Variants in FAM220A observed in about 807,000 individuals in gnomAD.
The protein encoded by FAM220A is protein FAM220A.
For missense variants in FAM220A, 392 were observed against 321.6 expected (o/e 1.22, Z -1.68); for synonymous variants, 141 against 130.7 (o/e 1.08, Z -0.54).
intron 1 of FAM220A, among the ~76,000 whole-genome samples, chr7:6,338,961 C>T (rs1781798593): frequency 6.6e-6 from 1 of 152,156 alleles, no homozygotes. Flanking sequence ...GCTCCACACC[C>T]CTCAGGTGTG....
intron 1 of FAM220A, among the ~76,000 whole-genome samples, chr7:6,333,904 T>C (rs559001949): frequency 3.9e-4 from 57 of 144,578 alleles, no homozygotes; most frequent in Admixed American, 1.4e-3. Context: ...TGGAGTGCAG[T>C]GGCGCCATCT....
In FAM220A at chr7:6,333,665, A is replaced by ATT. The variant is rs59062194; in HGVS notation, c.-81-2432_-81-2431dup. Among the ~76,000 whole-genome samples the ATT allele has an allele frequency of 8.9e-5, 13 of 146,716 alleles. No homozygotes were observed. The South Asian group carries it at 1.5e-3, about 17-fold the overall frequency. On this transcript the variant is annotated intron_variant, in intron 1 of 1. Transcript: ENST00000313324. ...AGGCAGGCACCACCACACCTGGCAA[A>ATT]TTTTTTTTTTTTCAGAGCAGGAACA...
intron 1 of FAM220A, among the ~76,000 whole-genome samples, chr7:6,347,744 G>C (rs1781979332): frequency 1.3e-5 from 2 of 151,832 alleles, no homozygotes; most frequent in African/African-American, 2.4e-5. Context: ...TCCATTTTTA[G>C]CTTCAAGGAT....
chr7:6,348,648 G>A lies in FAM220A; in HGVS notation c.-157C>T. ...AGTTGATACGCAGCCGCCAGGCCAG[G>A]TCGAAGAAGATGAGCAGCGTGCGAG... is the stretch of plus-strand genomic sequence containing the variant. On this transcript the variant is annotated 5_prime_UTR_variant, in exon 1 of 2. Transcript: ENST00000313324. The A allele has an allele frequency of 2.0e-6, 1 of 510,658 alleles. No homozygotes were observed. The highest frequency in any genetic ancestry group is 3.6e-6 in the Non-Finnish European group (1 of 281,674). The allele number at this position is 510,658 out of a possible 1,614,324, so 31.6% of individuals were successfully genotyped here. A position where few individuals can be genotyped will look rare whatever the true frequency, so the allele number is the denominator to read the frequency against.
rs765656999 is a variant in FAM220A at position 6,330,941 on chromosome 7, C to T, written c.214G>A (p.Ala72Thr). The T allele has an allele frequency of 6.2e-7, 1 of 1,614,240 alleles. No homozygotes were observed. Among genetic ancestry groups the T allele is most frequent in the South Asian group, 1.1e-5 (1 of 91,088 alleles). ...CCGCCACTGTGAAGCCAGAGGCCAG[C>T]CCCGCTCGGATCCTTTCTCATTTCC... ...SLEMRKDPSG[A>T]GLWLHSGGPV... Residue 72 changes from alanine (A) to threonine (T), a missense_variant, in exon 2 of 2, where the codon GCT (alanine) becomes ACT (threonine). Transcript: ENST00000313324.
intron 1 of FAM220A, among the ~76,000 whole-genome samples, chr7:6,346,088 T>G (rs1348478759): frequency 6.6e-6 from 1 of 151,888 alleles, no homozygotes; most frequent in Non-Finnish European, 1.5e-5. Flanking sequence ...TTTTTAAAAA[T>G]CCGGATTGGA....
At chr7:6,341,304 C>T (rs28801197) in intron 1 of FAM220A, among the ~76,000 whole-genome samples, 1 of 149,346 alleles carries the variant, frequency 6.7e-6, no homozygotes, top group South Asian at 2.1e-4. Flanking sequence ...TTGGCTGGGC[C>T]TGGTGGCGGG....
chr7:6,332,295 C>T (rs1046746476), intron 1 of FAM220A, among the ~76,000 whole-genome samples: 3 of 151,900 alleles, frequency 2.0e-5, no homozygotes, highest in Non-Finnish European at 4.4e-5. Flanking sequence ...CAAAAAAGTT[C>T]CTGTCCAAAG....
At chr7:6,331,365 A>G (rs1210017976) in intron 1 of FAM220A, 130 bp from the exon 2 acceptor site, 3 of 610,108 alleles carry the variant, frequency 4.9e-6, no homozygotes, top group Non-Finnish European at 8.6e-6. Flanking sequence ...GTTTCACCAT[A>G]TTGGTAAGGC....
At chr7:6,334,206 G>A (rs1781701862) in intron 1 of FAM220A, among the ~76,000 whole-genome samples, 1 of 151,454 alleles carries the variant, frequency 6.6e-6, no homozygotes, top group South Asian at 2.1e-4. Context: ...GGGATTACAG[G>A]TGTGTACCAC....
At chr7:6,337,587 A>G (rs72583243) in intron 1 of FAM220A, among the ~76,000 whole-genome samples, 3 of 138,146 alleles carry the variant, frequency 2.2e-5, no homozygotes, top group African/African-American at 7.7e-5. Context: ...CAGTACCATT[A>G]TTTTTTTTCA....
chr7:6,336,388 A>G (rs985131920), intron 1 of FAM220A, among the ~76,000 whole-genome samples: 1 of 151,280 alleles, frequency 6.6e-6, no homozygotes, highest in African/African-American at 2.4e-5. Flanking sequence ...TGAACCACAT[A>G]AAAGAATACA....
In FAM220A at chr7:6,330,226, T is replaced by C; in HGVS notation, c.*149A>G. 1.3e-6 allele frequency: 1 copy of C among 790,852 alleles called. No individual in the cohort carries two copies. Among genetic ancestry groups the C allele is most frequent in the Non-Finnish European group, 2.0e-6 (1 of 503,572 alleles). 49.0% of individuals were successfully genotyped at this position (790,852 alleles called of 1,614,324 possible). ...CCTTCCGCATCAACTGGCTTTGAAT[T>C]TAAACTCAATTTACTTTAAGTCTGC... On this transcript the variant is annotated 3_prime_UTR_variant, in exon 2 of 2. Coordinates refer to ENST00000313324, the MANE Select transcript of FAM220A (RefSeq NM_001037163.2).
At chr7:6,343,777 C>A (rs1583241687) in intron 1 of FAM220A, among the ~76,000 whole-genome samples, 1 of 152,072 alleles carries the variant, frequency 6.6e-6, no homozygotes, top group South Asian at 2.1e-4. Flanking sequence ...GCCTCACTGC[C>A]CTACAAACTA....
intron 1 of FAM220A, among the ~76,000 whole-genome samples, chr7:6,339,672 A>G (rs1416774909): frequency 1.3e-5 from 2 of 151,596 alleles, no homozygotes; most frequent in Non-Finnish European, 2.9e-5. Flanking sequence ...TTTAGTAGAG[A>G]CAGGGTTTCA....
At chr7:6,347,934 G>C (rs1045073674) in intron 1 of FAM220A, among the ~76,000 whole-genome samples, 4 of 129,540 alleles carry the variant, frequency 3.1e-5, no homozygotes, top group African/African-American at 1.2e-4. Flanking sequence ...TATTGAGATG[G>C]AGTTTCCCTC....
At chr7:6,343,404 ATATATATATATATATATAT>A (rs1781900777) in intron 1 of FAM220A, among the ~76,000 whole-genome samples, 1 of 11,134 alleles carries the variant, frequency 9.0e-5, no homozygotes, top group Non-Finnish European at 1.7e-4. Context: ...TTTCATATAT[ATATATATATATATATATAT>A]ATATATATAT....
At chr7:6,336,447 A>G (rs1014949326) in intron 1 of FAM220A, among the ~76,000 whole-genome samples, 4 of 152,074 alleles carry the variant, frequency 2.6e-5, no homozygotes, top group African/African-American at 7.2e-5. Context: ...TTGGGAGGCC[A>G]TGGCAGGCAG....
chr7:6,341,122 C>G (rs552510495), intron 1 of FAM220A, among the ~76,000 whole-genome samples: 5 of 141,542 alleles, frequency 3.5e-5, no homozygotes, highest in African/African-American at 1.1e-4. Context: ...CCAGCCTGGG[C>G]GACACAGCAA....
Sources: allele counts gnomAD v4.1 joint callset (sites outside exome capture counted in the v4.1 genomes callset), GRCh38; gene constraint gnomAD v4.1.1; transcripts MANE v1.5; gene names NCBI Gene and HGNC (gene_info 2026-07-23, HGNC 2026-07-21).